CACNA2D3: variants seen among roughly 807,000 people sequenced by gnomAD.
CACNA2D3 encodes voltage-dependent calcium channel subunit alpha-2/delta-3.
CACNA2D3 carries 60 observed loss-of-function variants against 160.6 expected under a neutral mutation model. That is an observed-to-expected ratio of 0.37 (90% CI 0.30 to 0.46). CACNA2D3 has a LOEUF of 0.46. Among genes scored for constraint, CACNA2D3 ranks in the 20% least tolerant of loss-of-function variants. CACNA2D3 has a pLI of 1.00. For missense variants in CACNA2D3, 1,205 were observed against 1,365.0 expected (o/e 0.88, Z 1.85); for synonymous variants, 558 against 492.9 (o/e 1.13, Z -1.75).
chr3:54,787,860 T>G (rs2106639890), intron 13 of CACNA2D3, among the ~76,000 whole-genome samples: 1 of 152,314 alleles, frequency 6.6e-6, no homozygotes. Context: ...TGTGTCCAAA[T>G]TTTAGGCAGA....
At chr3:54,355,244 G>A (rs867282671) in intron 3 of CACNA2D3, among the ~76,000 whole-genome samples, 1 of 152,196 alleles carries the variant, frequency 6.6e-6, no homozygotes, top group East Asian at 1.9e-4. Flanking sequence ...GTACAACTTT[G>A]AGGCTAAGAT....
chr3:54,530,055 G>C (rs1701783745), intron 5 of CACNA2D3, among the ~76,000 whole-genome samples: 1 of 152,190 alleles, frequency 6.6e-6, no homozygotes, highest in African/African-American at 2.4e-5. Flanking sequence ...TTGCAGGAAA[G>C]AGCTGACAGT....
chr3:54,889,693 T>C (rs1400403444), intron 24 of CACNA2D3, among the ~76,000 whole-genome samples: 7 of 152,200 alleles, frequency 4.6e-5, no homozygotes. Flanking sequence ...TATGCAAATC[T>C]GGAGCCCCAG....
At position 54,835,007 on chromosome 3, in the gene CACNA2D3, A is replaced by C. The variant is rs896827156; in HGVS notation, c.1399-2152A>C. 4.6e-5 allele frequency among the ~76,000 whole-genome samples: 7 copies of C among 152,356 alleles called. 1 individual carries two copies. The South Asian group carries it at 1.0e-3, about 23-fold the overall frequency. Reference sequence around the variant, plus strand: ...TTTACTACTGATTAAAATGTTAGTCACATCTAAAAAACACCTTCCCAGCAA... The same window carrying C: ...TTTACTACTGATTAAAATGTTAGTCCCATCTAAAAAACACCTTCCCAGCAA... On this transcript the variant is annotated intron_variant, in intron 14 of 37. Transcript: ENST00000474759.
intron 16 of CACNA2D3, among the ~76,000 whole-genome samples, chr3:54,838,883 A>G (rs557296056): frequency 4.6e-5 from 7 of 152,280 alleles, no homozygotes; most frequent in South Asian, 2.1e-4. Flanking sequence ...TAAAGAATCA[A>G]TGTTATATCT....
At chr3:54,383,709 A>T (rs1559466597) in intron 3 of CACNA2D3, among the ~76,000 whole-genome samples, 1 of 152,118 alleles carries the variant, frequency 6.6e-6, no homozygotes, top group African/African-American at 2.4e-5. Context: ...GAAAAAAAAA[A>T]GGCAGGAGGC....
At chr3:54,641,688 T>A (rs1160116035) in intron 10 of CACNA2D3, among the ~76,000 whole-genome samples, 1 of 152,162 alleles carries the variant, frequency 6.6e-6, no homozygotes, top group Non-Finnish European at 1.5e-5. Flanking sequence ...TATGCCAGAG[T>A]CAGGTTGGAA....
At chr3:54,337,112 A>G (rs941813234) in intron 3 of CACNA2D3, among the ~76,000 whole-genome samples, 4 of 152,196 alleles carry the variant, frequency 2.6e-5, no homozygotes, top group African/African-American at 9.7e-5. Context: ...AGAAATCCGC[A>G]CACACGGTGG....
At chr3:54,434,616 T>TA (rs1700035400) in intron 4 of CACNA2D3, among the ~76,000 whole-genome samples, 1 of 152,210 alleles carries the variant, frequency 6.6e-6, no homozygotes, top group Non-Finnish European at 1.5e-5. Context: ...GCAGGCAGCT[T>TA]ATTCTGGCAG....
Position 54,896,873 on chromosome 3 carries a change from G to A in CACNA2D3, c.2368+3G>A. On this transcript the variant is annotated splice_donor_region_variant and intron_variant, in intron 26 of 37. Coordinates refer to ENST00000474759, the MANE Select transcript of CACNA2D3 (RefSeq NM_018398.3). ...CTACTCGATCCCATTCAGCACTGGT[G>A]GGTGCCCTTGTTGGAGGCGGGCTCT... 1 of 1,613,960 alleles carries A rather than the reference G, an allele frequency of 6.2e-7. No homozygotes were observed. The highest frequency in any genetic ancestry group is 8.5e-7 in the Non-Finnish European group (1 of 1,179,868).
In CACNA2D3 at chr3:54,581,870, A is replaced by G; in HGVS notation, c.956A>G (p.Asn319Ser). The change falls in exon 9 of 38, where the codon AAC becomes AGC. Residue 319 changes from asparagine (N) to serine (S), a missense_variant. By Grantham distance (46) the Asn-to-Ser change is conservative. Around this residue, in one of 3 missense-constraint regions of CACNA2D3, gnomAD observed 911 missense variants for 1,002.2 expected, o/e 0.91. Transcript: ENST00000474759. Reference sequence around the variant, plus strand: ...ACTTTGGTGCAAGCCGACAGGACAAACAAAGAGGTAGGGGCAGCTCGGGGG... The same window carrying G: ...ACTTTGGTGCAAGCCGACAGGACAAGCAAAGAGGTAGGGGCAGCTCGGGGG... The part of the protein sequence containing the change: ...NGTLVQADRT[N>S]KEHFREHLDK... The G allele has an allele frequency of 6.2e-7, 1 of 1,613,780 alleles. No individual in the cohort carries two copies. The highest frequency in any genetic ancestry group is 8.5e-7 in the Non-Finnish European group (1 of 1,179,796).
intron 4 of CACNA2D3, among the ~76,000 whole-genome samples, chr3:54,417,318 A>G (rs1164682809): frequency 1.3e-5 from 2 of 152,208 alleles, no homozygotes; most frequent in East Asian, 1.9e-4. Flanking sequence ...GTAGGTATTA[A>G]TGGAAGGTAA....
chr3:54,412,871 A>G (rs943453536), intron 4 of CACNA2D3, among the ~76,000 whole-genome samples: 2 of 151,704 alleles, frequency 1.3e-5, no homozygotes, highest in Non-Finnish European at 3.0e-5. Flanking sequence ...TATAAATCTC[A>G]TAATGTAACA....
At chr3:54,286,116 C>A (rs922347549) in intron 2 of CACNA2D3, among the ~76,000 whole-genome samples, 1 of 151,928 alleles carries the variant, frequency 6.6e-6, no homozygotes, top group Non-Finnish European at 1.5e-5. Flanking sequence ...AGGCTTCAGA[C>A]GATCAAACTA....
chr3:54,423,386 A>G (rs1175108361), intron 4 of CACNA2D3, among the ~76,000 whole-genome samples: 1 of 152,166 alleles, frequency 6.6e-6, no homozygotes, highest in East Asian at 1.9e-4. Flanking sequence ...TTTTAATTTA[A>G]GCCTCAGGAT....
At chr3:54,542,998 A>G (rs1399778245) in intron 5 of CACNA2D3, among the ~76,000 whole-genome samples, 2 of 152,232 alleles carry the variant, frequency 1.3e-5, no homozygotes, top group Non-Finnish European at 2.9e-5. Flanking sequence ...CGAACACCTC[A>G]TGTGTCCACT....
intron 4 of CACNA2D3, among the ~76,000 whole-genome samples, chr3:54,403,376 C>G (rs1699508266): frequency 6.6e-6 from 1 of 151,182 alleles, no homozygotes; most frequent in South Asian, 2.1e-4. Flanking sequence ...CACACACACA[C>G]ACACACACAC....
At chr3:54,925,302 G>T in intron 27 of CACNA2D3, 1 of 1,105,000 alleles carries the variant, frequency 9.0e-7, no homozygotes, top group Non-Finnish European at 1.3e-6. Context: ...TACAGGTAAT[G>T]TGCTTTCCAG....
rs542081783 is a variant in CACNA2D3 at position 54,333,320 on chromosome 3, G to A, written c.321+12762G>A. On this transcript the variant is annotated intron_variant, in intron 3 of 37. Coordinates refer to ENST00000474759, the MANE Select transcript of CACNA2D3 (RefSeq NM_018398.3). Reference sequence around the variant, plus strand: ...TGCTAGGCATTCACTGGAAGAGTTCGGGTGTCATTTTAAGAATACAGGAAG... The same window carrying A: ...TGCTAGGCATTCACTGGAAGAGTTCAGGTGTCATTTTAAGAATACAGGAAG... 2.6e-5 allele frequency among the ~76,000 whole-genome samples: 4 copies of A among 152,222 alleles called. No individual in the cohort carries two copies. In the South Asian group the frequency reaches 6.2e-4, roughly 24 times the overall value.
Sources: allele counts gnomAD v4.1 joint callset (sites outside exome capture counted in the v4.1 genomes callset), GRCh38; gene constraint gnomAD v4.1.1; regional missense constraint gnomAD v4.1.1; transcripts MANE v1.5; gene names NCBI Gene and HGNC (gene_info 2026-07-23, HGNC 2026-07-21).